Variants in ITSN1 observed in about 807,000 individuals in gnomAD.
The protein encoded by ITSN1 is intersectin 1.
ITSN1 carries 58 observed loss-of-function variants against 239.8 expected under a neutral mutation model. The ratio of observed to expected loss-of-function variants is 0.24; its 90% CI spans 0.20 to 0.30. ITSN1 has a LOEUF of 0.30. Ranked by LOEUF, ITSN1 falls within the 10% of genes least tolerant of loss-of-function variation. The probability of loss-of-function intolerance (pLI) is 1.00; values close to 1 mark genes in which losing one functional copy is unlikely to be tolerated. For missense variants in ITSN1, 1,558 were observed against 2,103.3 expected (o/e 0.74, Z 5.07); for synonymous variants, 780 against 770.8 (o/e 1.01, Z -0.20).
At position 33,826,799 on chromosome 21, in the gene ITSN1, C is replaced by T; in HGVS notation, c.3184-19C>T. 1 of 1,611,076 alleles carries T rather than the reference C, an allele frequency of 6.2e-7. No individual in the cohort carries two copies. The highest frequency in any genetic ancestry group is 8.5e-7 in the Non-Finnish European group (1 of 1,177,778). On this transcript the variant is annotated intron_variant, in intron 25 of 39. Transcript: ENST00000381318. ...TCAAAACTTCAGCATGCAAATGAGA[C>T]CTTTTGCTCTGTTTTAAGGGCTCTG...
intron 1 of ITSN1, among the ~76,000 whole-genome samples, chr21:33,665,751 C>T (rs1466588974): frequency 6.6e-6 from 1 of 152,092 alleles, no homozygotes; most frequent in Non-Finnish European, 1.5e-5. Context: ...TTTTGTGCAT[C>T]AGTGGACAAT....
chr21:33,763,784 C>A (rs2068534189), intron 9 of ITSN1, among the ~76,000 whole-genome samples: 1 of 152,146 alleles, frequency 6.6e-6, no homozygotes, highest in South Asian at 2.1e-4. Context: ...TAAATGTTAA[C>A]TAGAATGGTT....
At chr21:33,838,425 G>A (rs940201830) in intron 29 of ITSN1, 20 of 983,346 alleles carry the variant, frequency 2.0e-5, no homozygotes, top group African/African-American at 3.5e-5. Flanking sequence ...ATAAACCTGC[G>A]GCTTTAACAA....
intron 16 of ITSN1, among the ~76,000 whole-genome samples, chr21:33,788,079 C>A (rs139974634): frequency 1.3e-5 from 2 of 152,248 alleles, no homozygotes; most frequent in African/African-American, 2.4e-5. Context: ...AAAATACTTT[C>A]TTCTCTTAAT....
intron 1 of ITSN1, among the ~76,000 whole-genome samples, chr21:33,714,622 TTATATC>T (rs3057433): frequency 0.99 from 149,807 of 151,928 alleles, 73,850 homozygotes; most frequent in East Asian, 1. Flanking sequence ...CATAAAATTA[TTATATC>T]TATATCTATA....
chr21:33,769,638 T>G (rs1268292270), intron 11 of ITSN1, among the ~76,000 whole-genome samples: 1 of 152,032 alleles, frequency 6.6e-6, no homozygotes, highest in Non-Finnish European at 1.5e-5. Context: ...ATTTCCTTGG[T>G]TTGTGCATGC....
chr21:33,765,155 G>A (rs2068629433), intron 9 of ITSN1, among the ~76,000 whole-genome samples: 1 of 152,208 alleles, frequency 6.6e-6, no homozygotes, highest in African/African-American at 2.4e-5. Flanking sequence ...CTTATAAACT[G>A]TAAAATATTT....
At chr21:33,837,683 T>C in intron 29 of ITSN1, 1 of 985,920 alleles carries the variant, frequency 1.0e-6, no homozygotes, top group Non-Finnish European at 1.2e-6. Context: ...ATTAGTTCTT[T>C]CCATGGCAAA....
At chr21:33,756,052 C>G (rs900429514) in intron 8 of ITSN1, among the ~76,000 whole-genome samples, 3 of 151,776 alleles carry the variant, frequency 2.0e-5, no homozygotes, top group African/African-American at 7.3e-5. Flanking sequence ...GCCTGTAATC[C>G]CAATCCCAGC....
intron 22 of ITSN1, among the ~76,000 whole-genome samples, chr21:33,815,998 G>A (rs892694259): frequency 1.3e-5 from 2 of 151,908 alleles, no homozygotes; most frequent in African/African-American, 2.4e-5. Flanking sequence ...CCTGGCCAAC[G>A]TGGTGAAACC....
intron 28 of ITSN1, among the ~76,000 whole-genome samples, chr21:33,835,003 C>A (rs985710166): frequency 6.6e-6 from 1 of 152,090 alleles, no homozygotes; most frequent in African/African-American, 2.4e-5. Flanking sequence ...ATTGAAGGGA[C>A]CAAATGAGAT....
At position 33,888,553 on chromosome 21, in the gene ITSN1, G is replaced by A. The variant is rs1986121497; in HGVS notation, c.*253G>A. 5 of 384,136 alleles carry A rather than the reference G, an allele frequency of 1.3e-5. No homozygotes were observed. Among genetic ancestry groups the A allele is most frequent in the Non-Finnish European group, 1.4e-5 (3 of 213,496 alleles). The allele number at this position is 384,136 out of a possible 1,614,324, so 23.8% of individuals were successfully genotyped here. A position where few individuals can be genotyped will look rare whatever the true frequency, so the allele number is the denominator to read the frequency against. On this transcript the variant is annotated 3_prime_UTR_variant, in exon 40 of 40. Coordinates refer to ENST00000381318, the MANE Select transcript of ITSN1 (RefSeq NM_003024.3). Reference sequence around the variant, plus strand: ...TACAGGTCTCATTATGGCTTCTAGGGTCGCTGAAATCCCATAGCCCTCAAC... The same window carrying A: ...TACAGGTCTCATTATGGCTTCTAGGATCGCTGAAATCCCATAGCCCTCAAC...
chr21:33,805,396 C>T (rs2072336322), intron 20 of ITSN1, among the ~76,000 whole-genome samples: 1 of 152,162 alleles, frequency 6.6e-6, no homozygotes, highest in Non-Finnish European at 1.5e-5. Flanking sequence ...TTTTCCTCTA[C>T]CTTCCATAGA....
Position 33,673,474 on chromosome 21 carries a change from C to T in ITSN1, c.-33+30761C>T, listed in dbSNP as rs182967236. Among the ~76,000 whole-genome samples, 4 of 152,286 alleles carry T rather than the reference C, an allele frequency of 2.6e-5. No individual in the cohort carries two copies. In the East Asian group the frequency reaches 7.7e-4, roughly 29 times the overall value. On this transcript the variant is annotated intron_variant, in intron 1 of 39. Coordinates refer to ENST00000381318, the MANE Select transcript of ITSN1 (RefSeq NM_003024.3). The stretch of plus-strand genomic sequence containing the variant: ...ACTGTGTATATGTATAACAAAACAT[C>T]GTGTCATGTACCTTAAATTATACAA...
rs143129810 is a variant in ITSN1 at position 33,835,478 on chromosome 21, C to T, written c.3470-963C>T. ...TCATAGGGACTGTGACCTGTTGGTG[C>T]AGACTCATCTGAAGTAGAAGTGCCA... On this transcript the variant is annotated intron_variant, in intron 28 of 39. Coordinates refer to ENST00000381318, the MANE Select transcript of ITSN1 (RefSeq NM_003024.3). 4.9e-3 allele frequency among the ~76,000 whole-genome samples: 750 copies of T among 152,280 alleles called. 8 individuals are homozygous for T. The highest frequency in any genetic ancestry group is 0.017 in the African/African-American group (722 of 41,550).
chr21:33,814,218 GC>G, intron 22 of ITSN1, 146 bp downstream of exon 22: 2 of 693,654 alleles, frequency 2.9e-6, no homozygotes, highest in Non-Finnish European at 4.6e-6. Context: ...CAGTGCAGGA[GC>G]CAGAAATCTG....
intron 29 of ITSN1, among the ~76,000 whole-genome samples, chr21:33,840,804 G>A (rs568271211): frequency 5.9e-5 from 9 of 152,278 alleles, no homozygotes; most frequent in African/African-American, 2.2e-4. Flanking sequence ...AGTCTGTTTT[G>A]TTTTGTTTTT....
intron 1 of ITSN1, among the ~76,000 whole-genome samples, chr21:33,700,117 T>G (rs2091945901): frequency 6.6e-6 from 1 of 151,710 alleles, no homozygotes; most frequent in African/African-American, 2.4e-5. Flanking sequence ...AGTCTTGTTC[T>G]CTGTTGCCCA....
chr21:33,720,466 G>A (rs146403026), intron 2 of ITSN1, among the ~76,000 whole-genome samples: 2 of 152,276 alleles, frequency 1.3e-5, no homozygotes, highest in East Asian at 1.9e-4. Flanking sequence ...GATCTCAGTC[G>A]TGAGTGGACA....
Sources: gnomAD v4.1 joint callset for allele counts (sites outside exome capture counted in the v4.1 genomes callset) on GRCh38, gnomAD v4.1.1 for gene constraint, MANE v1.5 for transcripts, NCBI Gene and HGNC (gene_info 2026-07-23, HGNC 2026-07-21) for gene names.